TTI1: variants seen among roughly 807,000 people sequenced by gnomAD.
The protein encoded by TTI1 is TELO2-interacting protein 1 homolog.
In TTI1, 52 loss-of-function variants were observed where a neutral mutation model predicts 85.4. The ratio of observed to expected loss-of-function variants is 0.61; its 90% CI spans 0.49 to 0.77. The LOEUF (loss-of-function observed/expected upper bound fraction) is 0.77, where lower values mean the gene tolerates loss of function less well. Among genes scored for constraint, TTI1 ranks in the 30% least tolerant of loss-of-function variants. The probability of loss-of-function intolerance (pLI) is 0.00; values close to 1 mark genes in which losing one functional copy is unlikely to be tolerated. For missense variants in TTI1, 1,173 were observed against 1,296.0 expected, an observed-to-expected ratio of 0.91 and a Z score of 1.46; for synonymous variants, 512 against 503.9, an observed-to-expected ratio of 1.02 and a Z score of -0.22.
chr20:37,998,778 C>T (rs942118084), intron 5 of TTI1, among the ~76,000 whole-genome samples: 6 of 152,322 alleles, frequency 3.9e-5, no homozygotes, highest in South Asian at 4.1e-4. Flanking sequence ...TCAGCCCCTT[C>T]GCCTTGACTC....
chr20:37,987,620 C>T (rs921345514), intron 7 of TTI1, among the ~76,000 whole-genome samples: 3 of 152,116 alleles, frequency 2.0e-5, no homozygotes, highest in African/African-American at 2.4e-5. Flanking sequence ...TGTCCTGAGG[C>T]GAGTGATTAT....
At position 37,983,495 on chromosome 20, in the gene TTI1, G is replaced by A; in HGVS notation, c.3231C>T (p.Tyr1077=). 6.2e-7 allele frequency: 1 copy of A among 1,611,878 alleles called. No homozygotes were observed. Residue 1077 remains tyrosine, a synonymous_variant, in exon 8 of 8, where the codon TAC becomes TAT. Coordinates refer to ENST00000373447, the MANE Select transcript of TTI1 (RefSeq NM_001303457.2). The part of the protein sequence containing the change: ...LHGASGQQNP[Y]TTNVLQLLKE... ...TGAGCAGCTGGAGCACGTTGGTCGT[G>A]TAGGGGTTCTGCTGCCCGCTGGCCC...
intron 3 of TTI1, chr20:38,005,727 A>T (rs527374648): frequency 6.5e-6 from 1 of 153,318 alleles, no homozygotes; most frequent in East Asian, 1.9e-4. Context: ...GCATTAAATT[A>T]TGTTCATATC....
At chr20:38,032,386 G>T (rs1370549741) in intron 1 of TTI1, among the ~76,000 whole-genome samples, 1 of 152,210 alleles carries the variant, frequency 6.6e-6, no homozygotes, top group Non-Finnish European at 1.5e-5. Context: ...TCAACTAGAA[G>T]AACGTCTCCT....
chr20:38,012,150 ATC>A lies in TTI1; in HGVS notation c.1665_1666del (p.Glu555AspfsTer7). 1 of 1,614,150 alleles carries A rather than the reference ATC, an allele frequency of 6.2e-7. No homozygotes were observed. The highest frequency in any genetic ancestry group is 8.5e-7 in the Non-Finnish European group (1 of 1,180,030). On this transcript the variant is annotated frameshift_variant, in exon 2 of 8. Transcript: ENST00000373447. LOFTEE classifies it high-confidence loss of function. ...GTATTCTTCAAGTATAGATGTCACA[ATC>A]TCTCTCAGTTCTTCTGGGTTTGTTT...
At chr20:37,991,796 A>T (rs2073268774) in intron 7 of TTI1, among the ~76,000 whole-genome samples, 1 of 152,212 alleles carries the variant, frequency 6.6e-6, no homozygotes, top group African/African-American at 2.4e-5. Context: ...ACATAAGCAG[A>T]GGGTAGAGGC....
chr20:38,000,156 G>A (rs6097259), intron 4 of TTI1, among the ~76,000 whole-genome samples: 1 of 151,914 alleles, frequency 6.6e-6, no homozygotes, highest in East Asian at 1.9e-4. Context: ...GGAAGTGAGG[G>A]TTTGAAAAGA....
At chr20:37,987,051 C>T in intron 7 of TTI1, 1 of 409,754 alleles carries the variant, frequency 2.4e-6, no homozygotes, top group Non-Finnish European at 4.9e-6. Context: ...TGTAGCTGTG[C>T]TCTCACTCCG....
intron 7 of TTI1, among the ~76,000 whole-genome samples, chr20:37,988,116 CCT>C (rs2073216402): frequency 6.6e-6 from 1 of 152,238 alleles, no homozygotes; most frequent in Non-Finnish European, 1.5e-5. Flanking sequence ...CTCAGGGCTC[CCT>C]GTCTGCTGGG....
rs548035656 is a variant in TTI1, at chr20:37,983,493, G to A, written c.3233C>T (p.Thr1078Met). The A allele has an allele frequency of 1.5e-5, 24 of 1,611,744 alleles. No individual in the cohort carries two copies. Among genetic ancestry groups the A allele is most frequent in the Admixed American group, 5.0e-5 (3 of 59,950 alleles). Residue 1078 changes from threonine (T) to methionine (M), a missense_variant, in exon 8 of 8, where the codon ACG becomes ATG. Thr to Met is a moderately conservative substitution (Grantham distance 81). Transcript: ENST00000373447. Reference protein sequence around the residue: ...HGASGQQNPYTTNVLQLLKEL... With the variant: ...HGASGQQNPYMTNVLQLLKEL... ...CTTGAGCAGCTGGAGCACGTTGGTC[G>A]TGTAGGGGTTCTGCTGCCCGCTGGC... is the stretch of plus-strand genomic sequence containing the variant.
rs2073145407 is a variant in TTI1 at position 37,983,257 on chromosome 20, T to C, written c.*199A>G. The C allele has an allele frequency of 1.8e-6, 1 of 570,062 alleles. No individual in the cohort carries two copies. Among genetic ancestry groups the C allele is most frequent in the Non-Finnish European group, 3.0e-6 (1 of 329,112 alleles). 35.3% of individuals were successfully genotyped at this position (570,062 alleles called of 1,614,324 possible). A position where few individuals can be genotyped will look rare whatever the true frequency, so the allele number is the denominator to read the frequency against. On this transcript the variant is annotated 3_prime_UTR_variant, in exon 8 of 8. Coordinates refer to ENST00000373447, the MANE Select transcript of TTI1 (RefSeq NM_001303457.2). Reference sequence around the variant, plus strand: ...CAATGTCACTTGACAACACAAGGTATGAAACATAAATAATAGTCAGCTACT... The same window carrying C: ...CAATGTCACTTGACAACACAAGGTACGAAACATAAATAATAGTCAGCTACT...
chr20:38,002,345 TC>T (rs1464947282), intron 4 of TTI1, among the ~76,000 whole-genome samples: 1 of 152,160 alleles, frequency 6.6e-6, no homozygotes, highest in African/African-American at 2.4e-5. Context: ...GAAAATAATA[TC>T]CTTTCCAAAG....
chr20:38,004,645 G>A (rs902186694), intron 3 of TTI1, among the ~76,000 whole-genome samples: 1 of 152,188 alleles, frequency 6.6e-6, no homozygotes, highest in Non-Finnish European at 1.5e-5. Flanking sequence ...CCCCAGAGGG[G>A]AATTTGTTGT....
chr20:37,996,552 C>T, intron 6 of TTI1, 90 bp from the exon 7 acceptor site: 6 of 1,502,408 alleles, frequency 4.0e-6, no homozygotes, highest in Non-Finnish European at 5.5e-6. Flanking sequence ...ACTGCAACAG[C>T]TAGGCAAGAT....
chr20:38,032,029 T>A (rs1015572107), intron 1 of TTI1, among the ~76,000 whole-genome samples: 9 of 152,224 alleles, frequency 5.9e-5, no homozygotes, highest in African/African-American at 1.9e-4. Context: ...AGATACTCAC[T>A]GTATGATTTT....
chr20:37,995,229 G>A (rs1568610951), intron 7 of TTI1, among the ~76,000 whole-genome samples: 2 of 152,154 alleles, frequency 1.3e-5, no homozygotes, highest in African/African-American at 2.4e-5. Flanking sequence ...GGATGTGACG[G>A]GAAAGGGACA....
Position 38,013,379 on chromosome 20 carries a change from G to A in TTI1, c.438C>T (p.Ser146=). The change falls in exon 2 of 8, where the codon TCC becomes TCT. Residue 146 remains serine, a synonymous_variant. Coordinates refer to ENST00000373447, the MANE Select transcript of TTI1 (RefSeq NM_001303457.2). ...GDIILTFYEP[S]ILPRLGFAVS... The stretch of plus-strand genomic sequence containing the variant: ...CAGCAAATCCTAAACGTGGCAGAAT[G>A]GAGGGCTCATAAAAAGTCAGAATGA... The A allele has an allele frequency of 6.2e-7, 1 of 1,614,100 alleles. No homozygotes were observed. Among genetic ancestry groups the A allele is most frequent in the Non-Finnish European group, 8.5e-7 (1 of 1,180,032 alleles).
intron 1 of TTI1, 97 bp from the exon 2 acceptor site, chr20:38,013,954 A>G: frequency 1.5e-6 from 2 of 1,315,824 alleles, no homozygotes; most frequent in East Asian, 2.5e-5. Flanking sequence ...CCTGGGGTCT[A>G]TGTGCCAGCC....
At position 38,012,819 on chromosome 20, in the gene TTI1, A is replaced by G. The variant is rs1173623823; in HGVS notation, c.998T>C (p.Leu333Pro). 3 of 1,614,112 alleles carry G rather than the reference A, an allele frequency of 1.9e-6. No individual in the cohort carries two copies. In the African/African-American group the frequency reaches 4.0e-5, roughly 22 times the overall value. The change falls in exon 2 of 8, where the codon CTG (leucine) becomes CCG (proline). Residue 333 changes from leucine (L) to proline (P), a missense_variant. Coordinates refer to ENST00000373447, the MANE Select transcript of TTI1 (RefSeq NM_001303457.2). ...ATTTACTAGTCCCACTAAGGCCTTC[A>G]GAAGGGGACCAGCACATTCGACCAA... The part of the protein sequence containing the change: ...QSLVECAGPL[L>P]KALVGLVNDE...
Sources: allele counts gnomAD v4.1 joint callset (sites outside exome capture counted in the v4.1 genomes callset), GRCh38; gene constraint gnomAD v4.1.1; transcripts MANE v1.5; gene names NCBI Gene and HGNC (gene_info 2026-07-23, HGNC 2026-07-21).